The following PPFIBP2 variants were observed in gnomAD, a reference collection of about 807,000 sequenced individuals.
PPFIBP2 encodes PPFIB scaffold protein 2, also known as liprin-beta-2.
Under a neutral mutation model 118.3 loss-of-function variants are expected in PPFIBP2, and 118 were observed. The observed-to-expected ratio is 1.00, with a 90% CI of 0.86 to 1.16. The LOEUF (loss-of-function observed/expected upper bound fraction) is 1.16, where lower values mean the gene tolerates loss of function less well. Ranked by LOEUF, PPFIBP2 falls within the 50% of genes most tolerant of loss-of-function variation. PPFIBP2 has a pLI of 0.00. For missense variants in PPFIBP2, 1,195 were observed against 1,073.1 expected (o/e 1.11, Z -1.59); for synonymous variants, 414 against 397.4 (o/e 1.04, Z -0.50).
chr11:7,626,828 T>C (rs1354762225), intron 8 of PPFIBP2, among the ~76,000 whole-genome samples: 1 of 152,252 alleles, frequency 6.6e-6, no homozygotes, highest in Non-Finnish European at 1.5e-5. Context: ...AGTCACATCC[T>C]GGCCTCAGCA....
chr11:7,556,248 G>A (rs1853610726), intron 2 of PPFIBP2, among the ~76,000 whole-genome samples: 1 of 152,160 alleles, frequency 6.6e-6, no homozygotes, highest in South Asian at 2.1e-4. Context: ...GAGGTCAGGA[G>A]ATTGAGACCA....
chr11:7,645,031 A>G (rs971346431), intron 17 of PPFIBP2, among the ~76,000 whole-genome samples: 4 of 14,852 alleles, frequency 2.7e-4, no homozygotes, highest in Non-Finnish European at 1.5e-4. Context: ...CGTCTCAAAA[A>G]AAAAAAAAAA....
chr11:7,631,326 A>G, intron 11 of PPFIBP2: 1 of 272,644 alleles, frequency 3.7e-6, no homozygotes, highest in South Asian at 6.5e-5. Context: ...GTAAGCATAG[A>G]CCAAAGGTGA....
At chr11:7,660,991 A>T (rs1854878574), downstream of PPFIBP2, among the ~76,000 whole-genome samples, 1 of 151,752 alleles carries the variant, frequency 6.6e-6, no homozygotes, top group African/African-American at 2.4e-5. Flanking sequence ...ATCGGTGGTG[A>T]TATCCCCTGT....
chr11:7,640,524 AG>A (rs1788037511), intron 15 of PPFIBP2, among the ~76,000 whole-genome samples: 2 of 152,354 alleles, frequency 1.3e-5, no homozygotes, highest in Admixed American at 6.5e-5. Context: ...TGGTCCTGGC[AG>A]GGTTCTTCCT....
At position 7,649,537 on chromosome 11, in the gene PPFIBP2, T is replaced by C. The variant is rs1158580069; in HGVS notation, c.2004T>C (p.Asp668=). The C allele has an allele frequency of 6.2e-7, 1 of 1,614,150 alleles. No individual in the cohort carries two copies. The highest frequency in any genetic ancestry group is 1.1e-5 in the South Asian group (1 of 91,078). ...RRMLQYLTVN[D]LLFLKVTSQL... ...ACCAAACTTTCCTCTTTCAGAACGA[T>C]TTACTCTTCTTAAAAGTCACCAGCC... Residue 668 remains aspartate (D), a synonymous_variant, in exon 21 of 24, where the codon GAT becomes GAC. Coordinates refer to ENST00000299492, the MANE Select transcript of PPFIBP2 (RefSeq NM_003621.5).
At chr11:7,615,477 G>A (rs1191351232) in intron 6 of PPFIBP2, among the ~76,000 whole-genome samples, 1 of 152,188 alleles carries the variant, frequency 6.6e-6, no homozygotes, top group Non-Finnish European at 1.5e-5. Flanking sequence ...CACACACTGA[G>A]CAGAGGGATG....
At chr11:7,664,234 A>T in the PPFIBP2 span, among the ~76,000 whole-genome samples, 1 of 151,976 alleles carries the variant, frequency 6.6e-6, no homozygotes, top group African/African-American at 2.4e-5. Context: ...CATGGAAGAG[A>T]TGACACTTGA....
At chr11:7,587,159 G>A (rs974394900) in intron 3 of PPFIBP2, among the ~76,000 whole-genome samples, 5 of 152,162 alleles carry the variant, frequency 3.3e-5, no homozygotes, top group Non-Finnish European at 5.9e-5. Flanking sequence ...AAGCAAACAG[G>A]TGGTGGATAG....
the PPFIBP2 span, chr11:7,665,531 G>C: frequency 6.2e-7 from 1 of 1,607,680 alleles, no homozygotes; most frequent in Non-Finnish European, 8.5e-7. Context: ...AACGAAGCCT[G>C]AGCTGTACTT....
chr11:7,634,486 T>C lies in PPFIBP2; in HGVS notation c.1137-9T>C, dbSNP rs1851193259. On this transcript the variant is annotated splice_polypyrimidine_tract_variant and intron_variant, in intron 12 of 23. Coordinates refer to ENST00000299492, the MANE Select transcript of PPFIBP2 (RefSeq NM_003621.5). The stretch of plus-strand genomic sequence containing the variant: ...TCATAACTATTTCTTTCTTTTGTGT[T>C]TTTTTCAGGGCTCAGAAAAAGCTCT... The C allele has an allele frequency of 2.5e-6, 4 of 1,606,088 alleles. No homozygotes were observed. The East Asian group carries it at 8.9e-5, about 36-fold the overall frequency.
At chr11:7,589,339 A>G (rs893271286) in intron 3 of PPFIBP2, among the ~76,000 whole-genome samples, 1 of 152,122 alleles carries the variant, frequency 6.6e-6, no homozygotes, top group African/African-American at 2.4e-5. Flanking sequence ...CATGCCTGTA[A>G]TCTCAGCACT....
intron 2 of PPFIBP2, among the ~76,000 whole-genome samples, chr11:7,552,962 T>G (rs984163523): frequency 2.6e-5 from 4 of 152,220 alleles, no homozygotes; most frequent in Admixed American, 1.3e-4. Flanking sequence ...TGCACCAGCA[T>G]GTAAGTTTCT....
chr11:7,665,579 C>A, the PPFIBP2 span: 1 of 1,564,456 alleles, frequency 6.4e-7, no homozygotes, highest in East Asian at 2.2e-5. Flanking sequence ...GCAAGCTGAG[C>A]GATGCCAGGT....
rs1346996813 is a variant in PPFIBP2 at position 7,631,047 on chromosome 11, T to C, written c.1068+19T>C. 6.3e-7 allele frequency: 1 copy of C among 1,594,150 alleles called. No individual in the cohort carries two copies. The highest frequency in any genetic ancestry group is 1.7e-5 in the Admixed American group (1 of 59,974). On this transcript the variant is annotated intron_variant, in intron 11 of 23. Transcript: ENST00000299492. The stretch of plus-strand genomic sequence containing the variant: ...ACAAGAGGTACTGTGTTTCCATCCA[T>C]GACGTAGGGTTTCAGCAGGTCCTCC...
At chr11:7,620,455 T>G (rs185843792) in intron 6 of PPFIBP2, among the ~76,000 whole-genome samples, 117 of 152,316 alleles carry the variant, frequency 7.7e-4, no homozygotes, top group African/African-American at 2.7e-3. Context: ...ATTTGTTCCC[T>G]TAGGGTTCCT....
intron 8 of PPFIBP2, among the ~76,000 whole-genome samples, chr11:7,628,077 G>A (rs1343292253): frequency 1.3e-5 from 2 of 152,262 alleles, no homozygotes; most frequent in Admixed American, 1.3e-4. Context: ...ATAAAGAGAA[G>A]ACAGAGTACT....
chr11:7,641,082 A>G, intron 15 of PPFIBP2: 1 of 1,265,354 alleles, frequency 7.9e-7, no homozygotes, highest in Non-Finnish European at 1.0e-6. Context: ...TACCCATTCC[A>G]GGTGAGGTGG....
chr11:7,620,557 C>CT, intron 6 of PPFIBP2, among the ~76,000 whole-genome samples: 1 of 152,314 alleles, frequency 6.6e-6, no homozygotes, highest in South Asian at 2.1e-4. Context: ...CTTTCTACTA[C>CT]TTTGCATCAC....
Sources: gnomAD v4.1 joint callset for allele counts (sites outside exome capture counted in the v4.1 genomes callset) on GRCh38, gnomAD v4.1.1 for gene constraint, MANE v1.5 for transcripts, NCBI Gene and HGNC (gene_info 2026-07-23, HGNC 2026-07-21) for gene names.